RCOR1: variants seen among roughly 807,000 people sequenced by gnomAD.
RCOR1 encodes the protein REST corepressor.
A neutral mutation model predicts 64.0 loss-of-function variants in RCOR1; 12 were observed. The ratio of observed to expected loss-of-function variants is 0.19; its 90% confidence interval spans 0.12 to 0.30. The LOEUF (loss-of-function observed/expected upper bound fraction) is 0.30, where lower values mean the gene tolerates loss of function less well. RCOR1 is among the 10% of genes least tolerant of loss of function. RCOR1 has a pLI of 1.00. For synonymous variants in RCOR1, 279 were observed against 227.2 expected, an observed-to-expected ratio of 1.23 and a Z score of -2.05; for missense variants, 502 against 621.2, an observed-to-expected ratio of 0.81 and a Z score of 2.04.
In RCOR1 at chr14:102,662,202, G is replaced by T. The variant is rs1207237615; in HGVS notation, c.362-19693G>T. 13 of 453,974 alleles carry T rather than the reference G, an allele frequency of 2.9e-5. No individual in the cohort carries two copies. The East Asian group carries it at 5.9e-4, about 21-fold the overall frequency. 28.1% of individuals were successfully genotyped at this position (453,974 alleles called of 1,614,324 possible). The stretch of plus-strand genomic sequence containing the variant: ...TATTTTTTATTTTTTCTGGTGAAAA[G>T]ATATACATATATTTAGAATTAGCCA... On this transcript the variant is annotated intron_variant, in intron 2 of 11. Coordinates refer to ENST00000262241, the MANE Select transcript of RCOR1 (RefSeq NM_015156.4).
At chr14:102,671,381 T>C (rs746618745) in intron 2 of RCOR1, among the ~76,000 whole-genome samples, 3 of 152,000 alleles carry the variant, frequency 2.0e-5, no homozygotes, top group South Asian at 4.2e-4. Context: ...TCCAGTTAGT[T>C]TCTGTGTTTT....
intron 2 of RCOR1, among the ~76,000 whole-genome samples, chr14:102,616,240 G>GTGTGTGTGTGTGTGTA (rs1555462069): frequency 1.9e-5 from 2 of 103,224 alleles, no homozygotes; most frequent in East Asian, 4.1e-4. Context: ...GTGTGTGTGT[G>GTGTGTGTGTGTGTGTA]TGTGTGTGTA....
intron 2 of RCOR1, among the ~76,000 whole-genome samples, chr14:102,669,577 A>G (rs1894989967): frequency 6.6e-6 from 1 of 152,142 alleles, no homozygotes; most frequent in Non-Finnish European, 1.5e-5. Context: ...TGCTGTTTTC[A>G]TACCTCTTCC....
chr14:102,605,145 T>A (rs991093390), intron 2 of RCOR1, among the ~76,000 whole-genome samples: 1 of 151,962 alleles, frequency 6.6e-6, no homozygotes, highest in Non-Finnish European at 1.5e-5. Flanking sequence ...ATTAGTTGTT[T>A]CCATGTGGCC....
chr14:102,708,878 G>A (rs1333714170), intron 6 of RCOR1, among the ~76,000 whole-genome samples: 1 of 152,036 alleles, frequency 6.6e-6, no homozygotes, highest in Non-Finnish European at 1.5e-5. Flanking sequence ...TGTAGTTTGA[G>A]GTTTAACGTG....
chr14:102,694,059 T>TA (rs965350180), intron 3 of RCOR1, among the ~76,000 whole-genome samples: 55 of 152,304 alleles, frequency 3.6e-4, no homozygotes, highest in African/African-American at 1.3e-3. Context: ...GTTAAAAACT[T>TA]ACCTTTGCTT....
chr14:102,634,750 G>T (rs1894201330), intron 2 of RCOR1, among the ~76,000 whole-genome samples: 2 of 151,506 alleles, frequency 1.3e-5, no homozygotes. Context: ...AGGCTGGAGT[G>T]CAGTGGCGCG....
In RCOR1 at chr14:102,726,492, G is replaced by C. The variant is rs1896267174; in HGVS notation, c.1444G>C (p.Ala482Pro). Residue 482 changes from alanine to proline, a missense_variant, in exon 12 of 12, where the codon GCA becomes CCA. Physicochemically the swap from Ala to Pro is conservative, Grantham distance 27. Coordinates refer to ENST00000262241, the MANE Select transcript of RCOR1 (RefSeq NM_015156.4). ...DEAPVLDVRY[A>P]SAS ...GGCTCCTGTTCTGGATGTCAGATAT[G>C]CATCTGCCTCCTGAGAAACTGGTGG... The C allele has an allele frequency of 6.3e-7, 1 of 1,586,338 alleles. No individual in the cohort carries two copies. Among genetic ancestry groups the C allele is most frequent in the African/African-American group, 1.4e-5 (1 of 70,520 alleles).
chr14:102,593,223 C>T (rs1176486144), intron 1 of RCOR1, 36 bp downstream of exon 1: 2 of 1,478,542 alleles, frequency 1.4e-6, no homozygotes, highest in Admixed American at 2.7e-5. Context: ...CCGGGCCCCG[C>T]GCCCCGCGCC....
intron 2 of RCOR1, chr14:102,650,861 AC>A: frequency 3.1e-6 from 1 of 327,376 alleles, no homozygotes. Context: ...TTTTAAACTT[AC>A]GGGACTTGAT....
intron 2 of RCOR1, among the ~76,000 whole-genome samples, chr14:102,672,294 G>C (rs1463267929): frequency 6.6e-6 from 1 of 151,976 alleles, no homozygotes; most frequent in Admixed American, 6.6e-5. Flanking sequence ...CTCACTGCAA[G>C]CTCCACCTCC....
At position 102,721,140 on chromosome 14, in the gene RCOR1, A is replaced by G. The variant is rs1463368973; in HGVS notation, c.1131+56A>G. On this transcript the variant is annotated intron_variant, in intron 9 of 11. Coordinates refer to ENST00000262241, the MANE Select transcript of RCOR1 (RefSeq NM_015156.4). ...CATATTCAAGTTTTACATGTTTAAG[A>G]ATTTAATATCGGTGTGATACATCCC... is the stretch of plus-strand genomic sequence containing the variant. 4.2e-6 allele frequency: 5 copies of G among 1,179,562 alleles called. No individual in the cohort carries two copies. In the East Asian group the frequency reaches 1.2e-4, roughly 28 times the overall value. The allele number at this position is 1,179,562 out of a possible 1,614,324, so 73.1% of individuals were successfully genotyped here. A position where few individuals can be genotyped will look rare whatever the true frequency, so the allele number is the denominator to read the frequency against.
chr14:102,663,649 G>A (rs960224039), intron 2 of RCOR1, among the ~76,000 whole-genome samples: 9 of 152,116 alleles, frequency 5.9e-5, no homozygotes, highest in African/African-American at 2.2e-4. Context: ...GCTTGGTGGT[G>A]AAATATCAAT....
intron 2 of RCOR1, among the ~76,000 whole-genome samples, chr14:102,656,863 C>G (rs1164796497): frequency 6.6e-6 from 1 of 151,840 alleles, no homozygotes; most frequent in Non-Finnish European, 1.5e-5. Flanking sequence ...GCAACCTCCG[C>G]CTTCCAGGTT....
Position 102,714,532 on chromosome 14 carries a change from A to T in RCOR1, c.968A>T (p.Asp323Val). ...AAAGGAATGTTTCTTTCTCAAGAAG[A>T]TGTGGAGGCTGTTTCTGCCAATGCC... Reference protein sequence around the residue: ...PPKGMFLSQEDVEAVSANATA... With the variant: ...PPKGMFLSQEVVEAVSANATA... Residue 323 changes from aspartate (D) to valine (V), a missense_variant, in exon 8 of 12, where the codon GAT becomes GTT. By Grantham distance (152) the Asp-to-Val change is radical. This residue lies in a region of RCOR1 where 260 missense variants were observed against 416.4 expected (regional missense o/e 0.62). Transcript: ENST00000262241. 6.2e-7 allele frequency: 1 copy of T among 1,614,022 alleles called. No homozygotes were observed.
intron 2 of RCOR1, among the ~76,000 whole-genome samples, chr14:102,605,265 C>G (rs1221834613): frequency 6.6e-6 from 1 of 152,010 alleles, no homozygotes; most frequent in East Asian, 1.9e-4. Flanking sequence ...AGGTGGTTAG[C>G]TTGGTTGCCT....
intron 2 of RCOR1, among the ~76,000 whole-genome samples, chr14:102,641,589 G>C (rs111515888): frequency 0.023 from 3,559 of 152,144 alleles, 132 homozygotes; most frequent in African/African-American, 0.076. Flanking sequence ...AACAGAGTGA[G>C]ACCCTGTCTC....
chr14:102,604,308 C>G (rs536397783), intron 2 of RCOR1, among the ~76,000 whole-genome samples: 1 of 152,172 alleles, frequency 6.6e-6, no homozygotes, highest in Admixed American at 6.6e-5. Context: ...AGTTAGTTTC[C>G]CACGAAAGGT....
Position 102,592,794 on chromosome 14 carries a change from C to T in RCOR1, c.-93C>T. 2 of 1,184,240 alleles carry T rather than the reference C, an allele frequency of 1.7e-6. No individual in the cohort carries two copies. Among genetic ancestry groups the T allele is most frequent in the Non-Finnish European group, 2.1e-6 (2 of 957,144 alleles). The allele number at this position is 1,184,240 out of a possible 1,614,324, so 73.4% of individuals were successfully genotyped here. A position where few individuals can be genotyped will look rare whatever the true frequency, so the allele number is the denominator to read the frequency against. Reference sequence around the variant, plus strand: ...GGGCTCCCGCCGCGCCCGCCCGGCCCCGCGCCGGCCCCGCGCCCCCTCCCC... The same window carrying T: ...GGGCTCCCGCCGCGCCCGCCCGGCCTCGCGCCGGCCCCGCGCCCCCTCCCC... On this transcript the variant is annotated 5_prime_UTR_variant, in exon 1 of 12. Transcript: ENST00000262241.
Sources: allele counts gnomAD v4.1 joint callset (sites outside exome capture counted in the v4.1 genomes callset), GRCh38; gene constraint gnomAD v4.1.1; regional missense constraint gnomAD v4.1.1; transcripts MANE v1.5; gene names NCBI Gene and HGNC (gene_info 2026-07-23, HGNC 2026-07-21).